Variants in DSCAML1 observed in about 807,000 individuals in gnomAD.
DSCAML1 encodes the protein DS cell adhesion molecule like 1.
Under a neutral mutation model 200.5 loss-of-function variants are expected in DSCAML1, and 38 were observed. The ratio of observed to expected loss-of-function variants is 0.19; its 90% confidence interval spans 0.15 to 0.25. The LOEUF is 0.25. Among genes scored for constraint, DSCAML1 ranks in the 10% least tolerant of loss-of-function variants. The pLI, the probability that DSCAML1 is intolerant of heterozygous loss-of-function variation, is 1.00. For synonymous variants in DSCAML1, 1,215 were observed against 1,165.0 expected (o/e 1.04, Z -0.87); for missense variants, 2,223 against 2,858.8 (o/e 0.78, Z 5.07).
At chr11:117,492,686 G>A (rs558832966) in intron 11 of DSCAML1, among the ~76,000 whole-genome samples, 2 of 152,172 alleles carry the variant, frequency 1.3e-5, no homozygotes, top group Middle Eastern at 3.4e-3. Flanking sequence ...GAGATAAGCC[G>A]CCACAAAGGG....
chr11:117,568,262 A>G (rs1367640343), intron 3 of DSCAML1, among the ~76,000 whole-genome samples: 2 of 152,208 alleles, frequency 1.3e-5, no homozygotes, highest in African/African-American at 4.8e-5. Flanking sequence ...CCCACAGCCA[A>G]TATCATACTG....
intron 3 of DSCAML1, among the ~76,000 whole-genome samples, chr11:117,732,416 T>C (rs977780850): frequency 3.3e-5 from 5 of 152,194 alleles, no homozygotes; most frequent in African/African-American, 1.2e-4. Flanking sequence ...TTCTTTCTTG[T>C]TCTGCTACTA....
chr11:117,773,759 T>G (rs997202812), intron 3 of DSCAML1, among the ~76,000 whole-genome samples: 4 of 152,140 alleles, frequency 2.6e-5, no homozygotes, highest in African/African-American at 9.7e-5. Context: ...TCCATGATCA[T>G]GCTAGTTGGA....
chr11:117,431,479 A>G, intron 31 of DSCAML1, 55 bp downstream of exon 31: 5 of 1,449,410 alleles, frequency 3.4e-6, no homozygotes, highest in Non-Finnish European at 3.7e-6. Flanking sequence ...GGTGAAGGTG[A>G]ATGATGGGGA....
Position 117,518,557 on chromosome 11 carries a change from T to C in DSCAML1, c.1419A>G (p.Thr473=). ...CGCCCCCGTCGCGGATCTGGGGGCC[T>C]GTGACGTTCATGTGGCTGATGGTGG... ...DGTTISHMNV[T]GPQIRDGGVY... The change falls in exon 7 of 33, where the codon ACA becomes ACG. Residue 473 remains threonine, a synonymous_variant. Transcript: ENST00000651296. This position sits in a 1 kb window ranked among gnomAD's most constrained non-coding sequence, Gnocchi z 6.3. 2 of 1,614,200 alleles carry C rather than the reference T, an allele frequency of 1.2e-6. No individual in the cohort carries two copies. The highest frequency in any genetic ancestry group is 1.7e-6 in the Non-Finnish European group (2 of 1,180,044).
rs138108962 is a variant in DSCAML1, at chr11:117,733,107, C to T, written c.511+43684G>A. ...AGGAGGACAGAGAGGGCCCAGAGCT[C>T]GGGGCAGAGGCAGGGAGGAGCATCA... On this transcript the variant is annotated intron_variant, in intron 3 of 32. Transcript: ENST00000651296. Among the ~76,000 whole-genome samples the T allele has an allele frequency of 4.2e-3, 633 of 151,096 alleles. 1 individual carries two copies. The highest frequency in any genetic ancestry group is 0.015 in the African/African-American group (611 of 41,226).
chr11:117,442,177 T>C (rs2048069881), intron 21 of DSCAML1, among the ~76,000 whole-genome samples: 1 of 149,784 alleles, frequency 6.7e-6, no homozygotes. Flanking sequence ...GCATGTAGTG[T>C]GTATAGTGTG....
intron 3 of DSCAML1, among the ~76,000 whole-genome samples, chr11:117,583,004 T>TTATTATTATTATTA (rs1565805557): frequency 6.7e-6 from 1 of 149,834 alleles, no homozygotes; most frequent in African/African-American, 2.4e-5. Flanking sequence ...ATTATTATTA[T>TTATTATTATTATTA]TATTATTATT....
At chr11:117,515,609 G>GATTTTTTTTTTTTTT (rs2049745748) in intron 8 of DSCAML1, among the ~76,000 whole-genome samples, 1 of 57,096 alleles carries the variant, frequency 1.8e-5, no homozygotes, top group Non-Finnish European at 3.6e-5. Flanking sequence ...GAGGGACGAA[G>GATTTTTTTTTTTTTT]CTTTTTTTTT....
chr11:117,775,740 G>A (rs560439494), intron 3 of DSCAML1, among the ~76,000 whole-genome samples: 7 of 152,040 alleles, frequency 4.6e-5, no homozygotes, highest in Non-Finnish European at 7.4e-5. Context: ...AGTTGATTTG[G>A]GGCTAAGCAT....
chr11:117,668,174 G>C (rs966743553), intron 3 of DSCAML1, among the ~76,000 whole-genome samples: 1 of 152,200 alleles, frequency 6.6e-6, no homozygotes, highest in African/African-American at 2.4e-5. Flanking sequence ...AAGGCAGCAG[G>C]AATACAGTGA....
At chr11:117,544,054 G>A (rs143887218) in intron 3 of DSCAML1, among the ~76,000 whole-genome samples, 34 of 152,188 alleles carry the variant, frequency 2.2e-4, no homozygotes, top group African/African-American at 6.7e-4. Flanking sequence ...AGGAGGAAGC[G>A]AATAGGGTGA....
chr11:117,481,286 C>T lies in DSCAML1; in HGVS notation c.2560-16G>A, dbSNP rs1407127858. 1.2e-6 allele frequency: 2 copies of T among 1,612,956 alleles called. No individual in the cohort carries two copies. The highest frequency in any genetic ancestry group is 2.2e-5 in the East Asian group (1 of 44,836). ...CGGGCTTGAGCTGGGAGACCACCAG[C>T]AGGGGCAGGAGAGGGAGTAAACAGG... On this transcript the variant is annotated splice_polypyrimidine_tract_variant and intron_variant, in intron 12 of 32. Transcript: ENST00000651296.
chr11:117,540,932 C>T (rs573105023), intron 3 of DSCAML1, among the ~76,000 whole-genome samples: 1 of 152,276 alleles, frequency 6.6e-6, no homozygotes, highest in Admixed American at 6.5e-5. Context: ...TGAAGAAACC[C>T]TTGGCTGAGA....
At chr11:117,442,032 A>ATG (rs3057896) in intron 21 of DSCAML1, among the ~76,000 whole-genome samples, 51 of 143,732 alleles carry the variant, frequency 3.5e-4, no homozygotes, top group Admixed American at 1.0e-3. Flanking sequence ...GAGTGTGTGT[A>ATG]TGTGTGTGTG....
Position 117,780,828 on chromosome 11 carries a change from G to A in DSCAML1, c.47-18C>T. The stretch of plus-strand genomic sequence containing the variant: ...AGGGCGGGCTGCAGGAGAGGCAAGG[G>A]GAGAGACTTGGTTAGCATGGGCTCT... On this transcript the variant is annotated intron_variant, in intron 1 of 32. Transcript: ENST00000651296. The surrounding 1 kb of genome is among the most constrained non-coding windows in gnomAD (Gnocchi z 4.8). The A allele has an allele frequency of 7.1e-7, 1 of 1,411,112 alleles. No individual in the cohort carries two copies. The allele number at this position is 1,411,112 out of a possible 1,614,324, so 87.4% of individuals were successfully genotyped here.
chr11:117,575,787 A>G (rs2050921110), intron 3 of DSCAML1, among the ~76,000 whole-genome samples: 2 of 152,216 alleles, frequency 1.3e-5, no homozygotes, highest in South Asian at 4.1e-4. Flanking sequence ...AGCCATGATC[A>G]TGCCACTGCA....
intron 21 of DSCAML1, among the ~76,000 whole-genome samples, chr11:117,442,021 TGA>T (rs760927786): frequency 7.4e-5 from 8 of 108,634 alleles, no homozygotes; most frequent in Non-Finnish European, 1.4e-4. Flanking sequence ...CATCTGCATG[TGA>T]GTGTGTGTAT....
intron 21 of DSCAML1, among the ~76,000 whole-genome samples, chr11:117,443,444 C>T (rs1592585478): frequency 6.6e-6 from 1 of 152,252 alleles, no homozygotes; most frequent in East Asian, 1.9e-4. Flanking sequence ...AATCCGCCAT[C>T]GCTGGAATCA....
Sources: gnomAD v4.1 joint callset for allele counts (sites outside exome capture counted in the v4.1 genomes callset) on GRCh38, gnomAD v4.1.1 for gene constraint, Gnocchi (gnomAD v3.1) non-coding constraint, MANE v1.5 for transcripts, NCBI Gene and HGNC (gene_info 2026-07-23, HGNC 2026-07-21) for gene names.